The following GALNS variants were observed in gnomAD, a reference collection of about 807,000 sequenced individuals.
The protein encoded by GALNS is N-acetylgalactosamine-6-sulfatase.
In GALNS, 65 loss-of-function variants were observed where a neutral mutation model predicts 65.9. The observed-to-expected ratio is 0.99, with a 90% CI of 0.81 to 1.21. The LOEUF is 1.21. GALNS is among the 50% of genes most tolerant of loss of function. The pLI is 0.00. For missense variants in GALNS, 776 were observed against 700.7 expected (o/e 1.11, Z -1.21); for synonymous variants, 346 against 288.9 (o/e 1.20, Z -2.00).
intron 1 of GALNS, among the ~76,000 whole-genome samples, chr16:88,846,213 T>C (rs1281167550): frequency 2.6e-5 from 4 of 152,232 alleles, no homozygotes; most frequent in South Asian, 2.1e-4. Context: ...TAGCTCAGCA[T>C]GTGACCTTAG....
At chr16:88,830,638 C>G (rs1275211830) in intron 9 of GALNS, among the ~76,000 whole-genome samples, 4 of 152,214 alleles carry the variant, frequency 2.6e-5, no homozygotes, top group African/African-American at 9.6e-5. Flanking sequence ...GCTCAAGTGC[C>G]TGTTACAGAA....
In GALNS at chr16:88,842,465, A is replaced by G. The variant is rs1567537760; in HGVS notation, c.244+241T>C. ...ACAGCACTCGACTCTGGGAAACAGA[A>G]CAGCAGCCACCAACAATACCGCAAC... On this transcript the variant is annotated intron_variant, in intron 2 of 13. Transcript: ENST00000268695. The G allele has an allele frequency of 2.4e-5, 14 of 588,330 alleles. No individual in the cohort carries two copies. The East Asian group carries it at 3.2e-4, about 13-fold the overall frequency. The allele number at this position is 588,330 out of a possible 1,614,324, so 36.4% of individuals were successfully genotyped here.
rs772889512 is a variant in GALNS at position 88,818,151 on chromosome 16, G to A, written c.1365-27C>T. ...TGGGGACAGAGAGCTCTGGTCACAC[G>A]GCTGGGGCTGACAGCGAAGGACGGA... On this transcript the variant is annotated intron_variant, in intron 12 of 13. Transcript: ENST00000268695. 2.5e-5 allele frequency: 38 copies of A among 1,542,728 alleles called. No homozygotes were observed. Among genetic ancestry groups the A allele is most frequent in the Non-Finnish European group, 3.1e-5 (35 of 1,142,488 alleles).
chr16:88,828,122 G>A (rs1463635881), intron 9 of GALNS, among the ~76,000 whole-genome samples: 1 of 152,264 alleles, frequency 6.6e-6, no homozygotes, highest in African/African-American at 2.4e-5. Flanking sequence ...CTTTGCAGAA[G>A]GTGAGAAGCT....
chr16:88,835,702 T>C (rs1912046058), intron 7 of GALNS, 23 bp downstream of exon 7: 2 of 1,613,744 alleles, frequency 1.2e-6, no homozygotes, highest in East Asian at 2.2e-5. Context: ...GCGAGGTCTA[T>C]GCTCCATGGA....
intron 12 of GALNS, 107 bp downstream of exon 12, chr16:88,822,482 G>T: frequency 6.9e-7 from 1 of 1,454,548 alleles, no homozygotes; most frequent in Admixed American, 1.7e-5. Context: ...ATGCAGGCAA[G>T]GGGAGGCGGC....
At chr16:88,833,224 C>A (rs1911705704) in intron 8 of GALNS, among the ~76,000 whole-genome samples, 1 of 152,202 alleles carries the variant, frequency 6.6e-6, no homozygotes. Context: ...CGGAACCTCG[C>A]AGGCAGCTCT....
At chr16:88,845,946 C>G (rs1286410649) in intron 1 of GALNS, among the ~76,000 whole-genome samples, 2 of 152,062 alleles carry the variant, frequency 1.3e-5, no homozygotes, top group African/African-American at 4.8e-5. Flanking sequence ...CATGATCACA[C>G]CACAGCACTC....
chr16:88,856,196 G>A (rs1490266842), intron 1 of GALNS: 5 of 703,020 alleles, frequency 7.1e-6, no homozygotes, highest in Non-Finnish European at 1.0e-5. Flanking sequence ...CAGACCTTAG[G>A]GACACCTGAC....
intron 8 of GALNS, among the ~76,000 whole-genome samples, chr16:88,833,981 G>A (rs942902946): frequency 3.3e-5 from 5 of 151,894 alleles, no homozygotes; most frequent in Admixed American, 6.6e-5. Context: ...GGGCCCCCCC[G>A]GGCTCCCCAT....
At chr16:88,847,680 G>C (rs1376321718) in intron 1 of GALNS, among the ~76,000 whole-genome samples, 3 of 152,248 alleles carry the variant, frequency 2.0e-5, no homozygotes, top group Admixed American at 6.5e-5. Context: ...TCTGATCGCT[G>C]ATTGTCTAAG....
At chr16:88,816,988 C>A (rs1909696876) in intron 13 of GALNS, 2 of 985,300 alleles carry the variant, frequency 2.0e-6, no homozygotes, top group African/African-American at 3.5e-5. Flanking sequence ...GGGCTCTGGG[C>A]ACCCAGGAGC....
intron 9 of GALNS, 61 bp from the exon 10 acceptor site, chr16:88,826,899 C>T: frequency 4.5e-6 from 7 of 1,545,864 alleles, no homozygotes; most frequent in Non-Finnish European, 6.1e-6. Flanking sequence ...GGGCTGGGGG[C>T]CAATCCCTGG....
chr16:88,815,873 T>G (rs982934697), intron 13 of GALNS: 2 of 985,260 alleles, frequency 2.0e-6, no homozygotes. Context: ...GGGATCTGCA[T>G]TTCTCAAAGG....
chr16:88,849,163 G>T (rs1967393963), intron 1 of GALNS, among the ~76,000 whole-genome samples: 1 of 152,232 alleles, frequency 6.6e-6, no homozygotes, highest in Admixed American at 6.5e-5. Flanking sequence ...CAAACAGGCT[G>T]AAGTACAGTG....
At chr16:88,818,430 G>A (rs1006580988) in intron 12 of GALNS, among the ~76,000 whole-genome samples, 2 of 152,192 alleles carry the variant, frequency 1.3e-5, no homozygotes, top group African/African-American at 2.4e-5. Context: ...CCAGGACCCG[G>A]GATATGTGGG....
chr16:88,814,058 TCCCCAG>T lies in GALNS; in HGVS notation c.*375_*380del. ...CTAAGATGTATAAAGGCAAACTGTA[TCCCCAG>T]CCACCTCAGGCACCTGTTGTCAGGA... On this transcript the variant is annotated 3_prime_UTR_variant, in exon 14 of 14. Coordinates refer to ENST00000268695, the MANE Select transcript of GALNS (RefSeq NM_000512.5). The T allele has an allele frequency of 8.1e-6, 3 of 370,874 alleles. No homozygotes were observed. In the East Asian group the frequency reaches 1.9e-4, roughly 24 times the overall value. 23.0% of individuals were successfully genotyped at this position (370,874 alleles called of 1,614,324 possible). A position where few individuals can be genotyped will look rare whatever the true frequency, so the allele number is the denominator to read the frequency against.
rs1910690591 is a variant in GALNS, at chr16:88,825,112, G to A, written c.1140-243C>T. Among the ~76,000 whole-genome samples, 3 of 122,846 alleles carry A rather than the reference G, an allele frequency of 2.4e-5. No homozygotes were observed. In the South Asian group the frequency reaches 7.8e-4, roughly 32 times the overall value. 80.6% of individuals were successfully genotyped at this position (122,846 alleles called of 152,430 possible). A position where few individuals can be genotyped will look rare whatever the true frequency, so the allele number is the denominator to read the frequency against. On this transcript the variant is annotated intron_variant, in intron 10 of 13. Transcript: ENST00000268695. ...GGTGACTGGGTATCTGGGGCGCCTG[G>A]GTGTCTGGGGCTGGGGTGTCTGGGC... is the stretch of plus-strand genomic sequence containing the variant.
chr16:88,851,017 C>G (rs1489035436), intron 1 of GALNS, among the ~76,000 whole-genome samples: 1 of 152,228 alleles, frequency 6.6e-6, no homozygotes, highest in East Asian at 1.9e-4. Flanking sequence ...ACGTCCCACA[C>G]GTGGGCCTTC....
Sources: gnomAD v4.1 joint callset for allele counts (sites outside exome capture counted in the v4.1 genomes callset) on GRCh38, gnomAD v4.1.1 for gene constraint, MANE v1.5 for transcripts, NCBI Gene and HGNC (gene_info 2026-07-23, HGNC 2026-07-21) for gene names.